ABHD12: variants seen among roughly 807,000 people sequenced by gnomAD.
ABHD12 encodes the protein lysophosphatidylserine lipase ABHD12.
ABHD12 carries 43 observed loss-of-function variants against 58.3 expected under a neutral mutation model. That is an observed-to-expected ratio of 0.74 (90% CI 0.58 to 0.95). The LOEUF (loss-of-function observed/expected upper bound fraction) is 0.95, where lower values mean the gene tolerates loss of function less well. Among genes scored for constraint, ABHD12 ranks in the 40% least tolerant of loss-of-function variants. The pLI is 0.00. For synonymous variants in ABHD12, 219 were observed against 211.2 expected (o/e 1.04, Z -0.32); for missense variants, 539 against 537.2 (o/e 1.00, Z -0.03).
exon 13 of ABHD12, chr20:25,294,792 T>C: frequency 1.4e-6 from 1 of 707,248 alleles, no homozygotes; most frequent in Non-Finnish European, 2.6e-6. Flanking sequence ...TAGCACATGG[T>C]ATGGTTTATC....
chr20:25,336,401 G>A (rs1174842215), intron 2 of ABHD12, among the ~76,000 whole-genome samples: 1 of 151,888 alleles, frequency 6.6e-6, no homozygotes, highest in Non-Finnish European at 1.5e-5. Context: ...TACATTGTAG[G>A]TGCTATGTTT....
chr20:25,390,518 CAGCG>C lies in ABHD12; in HGVS notation c.182_185del (p.Ala61GlyfsTer11). On this transcript the variant is annotated frameshift_variant, in exon 1 of 13. Coordinates refer to ENST00000339157, the MANE Select transcript of ABHD12 (RefSeq NM_001042472.3). LOFTEE classifies it high-confidence loss of function. ...CGCTCCGCGCGAAGCCTCACCTGCC[CAGCG>C]CCCGCTTCATTCCCGCGTCGGCTGC... 6.8e-7 allele frequency: 1 copy of C among 1,463,508 alleles called. No homozygotes were observed. The highest frequency in any genetic ancestry group is 9.0e-7 in the Non-Finnish European group (1 of 1,113,744). The allele number at this position is 1,463,508 out of a possible 1,614,324, so 90.7% of individuals were successfully genotyped here. A position where few individuals can be genotyped will look rare whatever the true frequency, so the allele number is the denominator to read the frequency against.
At chr20:25,313,918 G>C (rs2088911723) in intron 6 of ABHD12, among the ~76,000 whole-genome samples, 1 of 151,680 alleles carries the variant, frequency 6.6e-6, no homozygotes, top group South Asian at 2.1e-4. Flanking sequence ...GCAAGCCCTG[G>C]TTCATTCAAA....
intron 1 of ABHD12, chr20:25,339,812 C>A: frequency 8.3e-7 from 1 of 1,205,334 alleles, no homozygotes; most frequent in African/African-American, 1.6e-5. Context: ...CCAAGGACAT[C>A]AACAGAACCT....
downstream of ABHD12, chr20:25,295,782 G>A: frequency 8.0e-7 from 1 of 1,242,734 alleles, no homozygotes; most frequent in African/African-American, 1.5e-5. Flanking sequence ...TGGGCCAGAG[G>A]GGTTTGTGAT....
chr20:25,306,871 A>C lies in ABHD12; in HGVS notation c.912T>G (p.Pro304=), dbSNP rs772048670. The part of the protein sequence containing the change: ...FPGFDWFFLD[P]ITSSGIKFAN... ...CAAATTTAATTCCACTACTTGTAAT[A>C]GGATCAAGGAAGAACCAGTCAAACC... Residue 304 remains proline (P), a synonymous_variant, in exon 10 of 13, where the codon CCT becomes CCG. Transcript: ENST00000339157. The C allele has an allele frequency of 1.9e-6, 3 of 1,612,970 alleles. No homozygotes were observed. The highest frequency in any genetic ancestry group is 2.5e-6 in the Non-Finnish European group (3 of 1,179,098).
At position 25,323,659 on chromosome 20, in the gene ABHD12, G is replaced by A. The variant is rs573617221; in HGVS notation, c.317-229C>T. Among the ~76,000 whole-genome samples, 3 of 152,224 alleles carry A rather than the reference G, an allele frequency of 2.0e-5. No individual in the cohort carries two copies. The South Asian group carries it at 6.2e-4, about 32-fold the overall frequency. On this transcript the variant is annotated intron_variant, in intron 2 of 12. Transcript: ENST00000339157. Reference sequence around the variant, plus strand: ...GCAGGCCCAGCCTCAGGCAGGGTATGGGCTGAGGCCAGCCAGCATGGGCAG... The same window carrying A: ...GCAGGCCCAGCCTCAGGCAGGGTATAGGCTGAGGCCAGCCAGCATGGGCAG...
intron 1 of ABHD12, among the ~76,000 whole-genome samples, chr20:25,354,226 C>T (rs1408924691): frequency 6.6e-6 from 1 of 152,122 alleles, no homozygotes; most frequent in Non-Finnish European, 1.5e-5. Flanking sequence ...AAGCAAAAAC[C>T]AAAAACCAGA....
chr20:25,309,555 T>C lies in ABHD12; in HGVS notation c.640A>G (p.Thr214Ala). 4 of 1,614,128 alleles carry C rather than the reference T, an allele frequency of 2.5e-6. No individual in the cohort carries two copies. The highest frequency in any genetic ancestry group is 3.4e-6 in the Non-Finnish European group (4 of 1,179,994). Residue 214 changes from threonine (T) to alanine (A), a missense_variant, in exon 7 of 13, where the codon ACG (threonine) becomes GCG (alanine). Transcript: ENST00000339157. Reference sequence around the variant, plus strand: ...TAGGTCATGCCCCGCTCAGATGGCGTTCCCACTGAGTCACCCCAACCTGGG... The same window carrying C: ...TAGGTCATGCCCCGCTCAGATGGCGCTCCCACTGAGTCACCCCAACCTGGG... ...DYRGWGDSVG[T>A]PSERGMTYDA...
At chr20:25,368,752 A>G (rs1471450458) in intron 1 of ABHD12, 2 of 1,015,364 alleles carry the variant, frequency 2.0e-6, no homozygotes, top group Non-Finnish European at 3.1e-6. Flanking sequence ...GTTGAAGAAC[A>G]GTGGGGTTGA....
At chr20:25,381,626 CT>C (rs776504228) in intron 1 of ABHD12, among the ~76,000 whole-genome samples, 178 of 142,012 alleles carry the variant, frequency 1.3e-3, no homozygotes, top group East Asian at 9.3e-3. Flanking sequence ...TCAGTACCCT[CT>C]TTTTTTTTTT....
intron 4 of ABHD12, among the ~76,000 whole-genome samples, chr20:25,318,388 A>T (rs752852991): frequency 2.6e-5 from 4 of 152,232 alleles, no homozygotes; most frequent in Non-Finnish European, 5.9e-5. Context: ...TTCAGTTATC[A>T]TTGTAAGAGT....
chr20:25,367,656 G>A (rs2089841525), intron 1 of ABHD12, among the ~76,000 whole-genome samples: 1 of 152,186 alleles, frequency 6.6e-6, no homozygotes, highest in African/African-American at 2.4e-5. Flanking sequence ...CACGTAAGTG[G>A]AATCATACAG....
chr20:25,333,787 C>T (rs900741787), intron 2 of ABHD12, among the ~76,000 whole-genome samples: 3 of 151,576 alleles, frequency 2.0e-5, no homozygotes, highest in Admixed American at 6.6e-5. Context: ...TCAATAAATT[C>T]GGTATTGATG....
intron 1 of ABHD12, among the ~76,000 whole-genome samples, chr20:25,375,038 G>T (rs1382403638): frequency 1.3e-5 from 2 of 152,130 alleles, no homozygotes; most frequent in African/African-American, 4.8e-5. Context: ...CTAAAATGAG[G>T]TCATCAGGGT....
At chr20:25,379,521 C>T (rs564987011) in intron 1 of ABHD12, among the ~76,000 whole-genome samples, 53 of 152,270 alleles carry the variant, frequency 3.5e-4, no homozygotes, top group Non-Finnish European at 6.6e-4. Context: ...AACTCCTCTG[C>T]TCAGCCTCAG....
At chr20:25,378,853 G>C (rs2089990006) in intron 1 of ABHD12, among the ~76,000 whole-genome samples, 1 of 152,086 alleles carries the variant, frequency 6.6e-6, no homozygotes, top group African/African-American at 2.4e-5. Flanking sequence ...GGCTTTCTCA[G>C]CCTTTCCCAC....
intron 9 of ABHD12, 124 bp from the exon 10 acceptor site, chr20:25,307,039 G>T: frequency 1.4e-6 from 1 of 724,632 alleles, no homozygotes; most frequent in East Asian, 2.8e-5. Flanking sequence ...CTACCTAAGG[G>T]AGCAGGGGTG....
At chr20:25,315,695 C>T (rs1237817056) in intron 5 of ABHD12, among the ~76,000 whole-genome samples, 2 of 152,178 alleles carry the variant, frequency 1.3e-5, no homozygotes, top group African/African-American at 4.8e-5. Flanking sequence ...TTGACCTCAG[C>T]AGGATGAATC....
Sources: gnomAD v4.1 joint callset for allele counts (sites outside exome capture counted in the v4.1 genomes callset) on GRCh38, gnomAD v4.1.1 for gene constraint, MANE v1.5 for transcripts, NCBI Gene and HGNC (gene_info 2026-07-23, HGNC 2026-07-21) for gene names.